The following PCDH9 variants were observed in gnomAD, a reference collection of about 807,000 sequenced individuals.
PCDH9 encodes protocadherin-9.
In PCDH9, 24 loss-of-function variants were observed where a neutral mutation model predicts 70.6. The observed-to-expected ratio is 0.34, with a 90% CI of 0.25 to 0.48. The LOEUF (loss-of-function observed/expected upper bound fraction) is 0.48, where lower values mean the gene tolerates loss of function less well. Ranked by LOEUF, PCDH9 falls within the 20% of genes least tolerant of loss-of-function variation. The pLI, the probability that PCDH9 is intolerant of heterozygous loss-of-function variation, is 0.99. For missense variants in PCDH9, 1,281 were observed against 1,503.6 expected, an observed-to-expected ratio of 0.85 and a Z score of 2.45; for synonymous variants, 562 against 558.5, an observed-to-expected ratio of 1.01 and a Z score of -0.09.
chr13:66,428,323 G>A (rs1323119134), intron 4 of PCDH9, among the ~76,000 whole-genome samples: 1 of 151,522 alleles, frequency 6.6e-6, no homozygotes, highest in Non-Finnish European at 1.5e-5. Flanking sequence ...ATTAATAAAC[G>A]TCTAGAACCA....
In PCDH9 at chr13:66,842,584, A is replaced by G. The variant is rs185973401; in HGVS notation, c.3138+60920T>C. Among the ~76,000 whole-genome samples, 490 of 152,326 alleles carry G rather than the reference A, an allele frequency of 3.2e-3. 5 individuals carry two copies. Among genetic ancestry groups the G allele is most frequent in the African/African-American group, 0.01 (432 of 41,576 alleles). On this transcript the variant is annotated intron_variant, in intron 3 of 4. Transcript: ENST00000377865. ...CATATTATAGAAATAGGGACATTTCATCTCTTTTCTGAACTTAGAATAGCA... is the reference window on the plus strand; with the variant it reads ...CATATTATAGAAATAGGGACATTTCGTCTCTTTTCTGAACTTAGAATAGCA...
chr13:67,001,980 T>C (rs1178782594), intron 2 of PCDH9: 1 of 152,170 alleles, frequency 6.6e-6, no homozygotes, highest in East Asian at 1.9e-4. Flanking sequence ...CTTAAATAAA[T>C]ATTGATTATG....
At chr13:66,976,030 GA>G (rs1413874601) in intron 2 of PCDH9, among the ~76,000 whole-genome samples, 1 of 151,954 alleles carries the variant, frequency 6.6e-6, no homozygotes, top group Non-Finnish European at 1.5e-5. Flanking sequence ...AATTGGTAGA[GA>G]AAAATAGGGC....
chr13:66,901,799 C>T (rs570812751), intron 3 of PCDH9, among the ~76,000 whole-genome samples: 6 of 151,626 alleles, frequency 4.0e-5, no homozygotes, highest in Admixed American at 3.3e-4. Flanking sequence ...ACGAAAAATA[C>T]GAAAATCTCC....
At chr13:66,837,157 G>T (rs969221603) in intron 3 of PCDH9, among the ~76,000 whole-genome samples, 1 of 152,072 alleles carries the variant, frequency 6.6e-6, no homozygotes, top group Non-Finnish European at 1.5e-5. Context: ...GCACTTTTGA[G>T]GTATACTGTT....
intron 3 of PCDH9, among the ~76,000 whole-genome samples, chr13:66,735,859 G>A (rs187262012): frequency 6.6e-6 from 1 of 152,110 alleles, no homozygotes; most frequent in East Asian, 1.9e-4. Context: ...ATCTACTCAG[G>A]AGGCTGAGGC....
intron 3 of PCDH9, among the ~76,000 whole-genome samples, chr13:66,821,662 C>T (rs1168286685): frequency 6.6e-6 from 1 of 152,108 alleles, no homozygotes; most frequent in Admixed American, 6.5e-5. Context: ...CAAAGTAGTT[C>T]TACAAATTCT....
chr13:66,825,491 C>T (rs1016952599), intron 3 of PCDH9, among the ~76,000 whole-genome samples: 3 of 150,596 alleles, frequency 2.0e-5, no homozygotes, highest in African/African-American at 4.9e-5. Context: ...CGCGCGCCAC[C>T]ATGCCCGGCT....
intron 4 of PCDH9, among the ~76,000 whole-genome samples, chr13:66,440,481 TACTC>T (rs746948166): frequency 1.9e-4 from 29 of 152,190 alleles, no homozygotes; most frequent in Non-Finnish European, 3.2e-4. Context: ...TATTTATAAA[TACTC>T]TACTAATAAC....
chr13:66,922,396 T>C (rs2082650976), intron 2 of PCDH9, among the ~76,000 whole-genome samples: 1 of 151,358 alleles, frequency 6.6e-6, no homozygotes, highest in African/African-American at 2.4e-5. Flanking sequence ...CTTCCTAACC[T>C]GGGAATAAGA....
At chr13:66,776,673 T>A (rs1031319061) in intron 3 of PCDH9, among the ~76,000 whole-genome samples, 7 of 152,132 alleles carry the variant, frequency 4.6e-5, no homozygotes, top group African/African-American at 9.7e-5. Flanking sequence ...ATGGGCAGGA[T>A]GAATCAATAT....
intron 2 of PCDH9, among the ~76,000 whole-genome samples, chr13:67,137,835 T>C (rs1472621307): frequency 6.6e-6 from 1 of 152,134 alleles, no homozygotes; most frequent in African/African-American, 2.4e-5. Context: ...AATTGATTAC[T>C]TGGCTTTTAC....
chr13:67,043,541 A>T (rs1362643040), intron 2 of PCDH9, among the ~76,000 whole-genome samples: 1 of 152,202 alleles, frequency 6.6e-6, no homozygotes, highest in East Asian at 1.9e-4. Flanking sequence ...ATAATGTGAT[A>T]AAATTATAGG....
At chr13:66,711,912 C>T (rs1418858034) in intron 3 of PCDH9, among the ~76,000 whole-genome samples, 1 of 152,162 alleles carries the variant, frequency 6.6e-6, no homozygotes, top group African/African-American at 2.4e-5. Flanking sequence ...CCAACAGCAA[C>T]TTTAGCTTTA....
chr13:66,978,691 A>G (rs1367219078), intron 2 of PCDH9, among the ~76,000 whole-genome samples: 2 of 149,438 alleles, frequency 1.3e-5, no homozygotes, highest in Non-Finnish European at 3.0e-5. Flanking sequence ...GAATATATAT[A>G]TTATATATAA....
intron 3 of PCDH9, among the ~76,000 whole-genome samples, chr13:66,771,109 T>G (rs2079800510): frequency 6.6e-6 from 1 of 152,156 alleles, no homozygotes; most frequent in Admixed American, 6.5e-5. Flanking sequence ...TCTTGCTAAG[T>G]TGCCCAGTCT....
intron 3 of PCDH9, among the ~76,000 whole-genome samples, chr13:66,816,026 ACT>A (rs920494908): frequency 1.7e-4 from 26 of 152,144 alleles, no homozygotes; most frequent in Non-Finnish European, 3.2e-4. Flanking sequence ...TTATAACATA[ACT>A]CTCTCTAATA....
intron 2 of PCDH9, among the ~76,000 whole-genome samples, chr13:66,938,191 C>G (rs777368316): frequency 6.6e-6 from 1 of 152,110 alleles, no homozygotes; most frequent in Non-Finnish European, 1.5e-5. Context: ...AAGAGTTCAA[C>G]CACAATGACA....
chr13:66,856,423 G>C (rs1312124036), intron 3 of PCDH9, among the ~76,000 whole-genome samples: 4 of 151,992 alleles, frequency 2.6e-5, no homozygotes, highest in Non-Finnish European at 5.9e-5. Flanking sequence ...CTGATCACTT[G>C]AAAATAGGTT....
Sources: gnomAD v4.1 joint callset for allele counts (sites outside exome capture counted in the v4.1 genomes callset) on GRCh38, gnomAD v4.1.1 for gene constraint, MANE v1.5 for transcripts, NCBI Gene and HGNC (gene_info 2026-07-23, HGNC 2026-07-21) for gene names.